Variants in ACTA2 observed in about 807,000 individuals in gnomAD.
The protein encoded by ACTA2 is actin alpha 2, smooth muscle, also known as actin, aortic smooth muscle.
ACTA2 carries 12 observed loss-of-function variants against 39.5 expected under a neutral mutation model. The observed-to-expected ratio is 0.30, with a 90% CI of 0.19 to 0.49. The LOEUF (loss-of-function observed/expected upper bound fraction) is 0.49, where lower values mean the gene tolerates loss of function less well. Ranked by LOEUF, ACTA2 falls within the 20% of genes least tolerant of loss-of-function variation. The pLI is 0.99. For missense variants in ACTA2, 236 were observed against 498.8 expected, an observed-to-expected ratio of 0.47 and a Z score of 5.02; for synonymous variants, 158 against 180.6, an observed-to-expected ratio of 0.88 and a Z score of 1.00.
chr10:88,970,707 C>T (rs577865641), intron 1 of ACTA2, among the ~76,000 whole-genome samples: 4 of 151,936 alleles, frequency 2.6e-5, no homozygotes, highest in African/African-American at 4.8e-5. Flanking sequence ...CATCACACAC[C>T]GGGGCCTGTT....
At position 88,980,090 on chromosome 10, in the gene ACTA2, A is replaced by G. The variant is rs894439785; in HGVS notation, c.-24+10849T>C. ...ACTTGAAATTTTATTTCATTTATTAATTTTTAAGTTTTGTTCACCACTTCT... is the reference window on the plus strand; with the variant it reads ...ACTTGAAATTTTATTTCATTTATTAGTTTTTAAGTTTTGTTCACCACTTCT... On this transcript the variant is annotated intron_variant, in intron 1 of 4. Coordinates refer to the ACTA2 transcript ENST00000415557. 2.2e-4 allele frequency among the ~76,000 whole-genome samples: 34 copies of G among 152,208 alleles called. 1 individual carries two copies. The highest frequency in any genetic ancestry group is 6.0e-4 in the African/African-American group (25 of 41,460).
At chr10:88,967,786 C>G (rs1222722670) in intron 1 of ACTA2, among the ~76,000 whole-genome samples, 6 of 152,190 alleles carry the variant, frequency 3.9e-5, no homozygotes, top group African/African-American at 1.4e-4. Context: ...TAAATGATGG[C>G]TCACACACCA....
Position 88,941,516 on chromosome 10 carries a change from G to A in ACTA2, c.455-126C>T. 3.2e-6 allele frequency: 4 copies of A among 1,239,444 alleles called. No homozygotes were observed. The Admixed American group carries it at 7.6e-5, about 23-fold the overall frequency. The allele number at this position is 1,239,444 out of a possible 1,614,324, so 76.8% of individuals were successfully genotyped here. A position where few individuals can be genotyped will look rare whatever the true frequency, so the allele number is the denominator to read the frequency against. Reference sequence around the variant, plus strand: ...CTCTTATTTAAAAAGAGAAAACAGGGCATGTGATAGGAGAGGTGAGGTGGG... The same window carrying A: ...CTCTTATTTAAAAAGAGAAAACAGGACATGTGATAGGAGAGGTGAGGTGGG... On this transcript the variant is annotated intron_variant, in intron 5 of 8. Transcript: ENST00000224784.
intron 1 of ACTA2, among the ~76,000 whole-genome samples, chr10:88,986,410 T>C (rs948524627): frequency 3.3e-5 from 5 of 152,260 alleles, no homozygotes; most frequent in Non-Finnish European, 7.3e-5. Flanking sequence ...ACTAACCCAA[T>C]TGCTGTCTGC....
At chr10:88,959,197 C>G (rs1410963780) in intron 1 of ACTA2, among the ~76,000 whole-genome samples, 1 of 152,058 alleles carries the variant, frequency 6.6e-6, no homozygotes, top group Non-Finnish European at 1.5e-5. Flanking sequence ...ATTTGAATAG[C>G]CACATGTGGC....
At chr10:88,960,373 G>C (rs757141973) in intron 1 of ACTA2, among the ~76,000 whole-genome samples, 6 of 152,156 alleles carry the variant, frequency 3.9e-5, no homozygotes, top group Non-Finnish European at 5.9e-5. Context: ...CTTCTGTGAA[G>C]ACTAGCTGAT....
intron 3 of ACTA2, among the ~76,000 whole-genome samples, chr10:88,946,069 A>C (rs1203795358): frequency 2.0e-5 from 3 of 152,270 alleles, no homozygotes. Flanking sequence ...TCCTTTAATT[A>C]GTTAATAAAA....
intron 6 of ACTA2, 186 bp from the exon 7 acceptor site, chr10:88,939,884 C>T (rs1845816536): frequency 1.5e-6 from 1 of 647,502 alleles, no homozygotes; most frequent in Non-Finnish European, 2.8e-6. Context: ...CACCTCTGTT[C>T]CTAGGACAGT....
intron 8 of ACTA2, among the ~76,000 whole-genome samples, chr10:88,937,207 GTCT>G (rs1373326287): frequency 0.021 from 3,225 of 152,210 alleles, 55 homozygotes; most frequent in South Asian, 0.083. Context: ...GCATGTTTCA[GTCT>G]AGCACACTCT....
At position 88,962,897 on chromosome 10, in the gene ACTA2, T is replaced by C. The variant is rs554611560; in HGVS notation, c.-23-13944A>G. Among the ~76,000 whole-genome samples, 3 of 72,124 alleles carry C rather than the reference T, an allele frequency of 4.2e-5. No individual in the cohort carries two copies. In the East Asian group the frequency reaches 1.1e-3, roughly 27 times the overall value. 47.3% of individuals were successfully genotyped at this position (72,124 alleles called of 152,430 possible). A position where few individuals can be genotyped will look rare whatever the true frequency, so the allele number is the denominator to read the frequency against. ...AAATGGCAGCAGGCAAGAGAGTGAG[T>C]GCAGGGGAATGCCCCATATATATAT... On this transcript the variant is annotated intron_variant, in intron 1 of 4. Transcript: ENST00000415557.
chr10:88,948,988 AATTGGGC>A, intron 1 of ACTA2, 35 bp from the exon 2 acceptor site: 1 of 1,610,356 alleles, frequency 6.2e-7, no homozygotes, highest in Non-Finnish European at 8.5e-7. Context: ...CCTCAGCTGT[AATTGGGC>A]ATTTGTGGCA....
chr10:88,961,239 T>G (rs1350969731), intron 1 of ACTA2, among the ~76,000 whole-genome samples: 1 of 152,204 alleles, frequency 6.6e-6, no homozygotes, highest in Admixed American at 6.5e-5. Context: ...TTAAAGTTTC[T>G]AACAACCTAG....
chr10:88,976,371 C>G (rs754636603), intron 1 of ACTA2, among the ~76,000 whole-genome samples: 1 of 151,970 alleles, frequency 6.6e-6, no homozygotes, highest in South Asian at 2.1e-4. Flanking sequence ...ATCACAAATG[C>G]CAGAGTAAAC....
chr10:88,981,074 G>A (rs956002401), intron 1 of ACTA2, among the ~76,000 whole-genome samples: 5 of 152,302 alleles, frequency 3.3e-5, no homozygotes, highest in Admixed American at 6.5e-5. Flanking sequence ...GGCCAACTGC[G>A]AGGAAGTCAG....
At chr10:88,942,028 A>T (rs1021515294) in intron 4 of ACTA2, among the ~76,000 whole-genome samples, 159 bp from the exon 5 acceptor site, 1 of 152,166 alleles carries the variant, frequency 6.6e-6, no homozygotes, top group Non-Finnish European at 1.5e-5. Flanking sequence ...CACGTTAAAG[A>T]GGAGAAATGA....
chr10:88,955,554 G>C (rs1177954220), upstream of ACTA2, among the ~76,000 whole-genome samples: 1 of 152,176 alleles, frequency 6.6e-6, no homozygotes, highest in Non-Finnish European at 1.5e-5. Flanking sequence ...ACATCTGCAG[G>C]GATTTGCCAG....
intron 2 of ACTA2, among the ~76,000 whole-genome samples, chr10:88,947,897 T>C (rs1845981018): frequency 6.6e-6 from 1 of 152,202 alleles, no homozygotes; most frequent in African/African-American, 2.4e-5. Context: ...AATAACCACT[T>C]GAGGCTTGAT....
intron 4 of ACTA2, among the ~76,000 whole-genome samples, chr10:88,942,305 A>G (rs746276723): frequency 6.4e-4 from 98 of 152,348 alleles, no homozygotes; most frequent in Non-Finnish European, 1.2e-3. Flanking sequence ...AGCCAGAAGA[A>G]AAAGAGAAGA....
At position 88,941,292 on chromosome 10, in the gene ACTA2, G is replaced by C. The variant is rs772473154; in HGVS notation, c.553C>G (p.Arg185Gly). Residue 185 changes from arginine (R) to glycine (G), a missense_variant, in exon 6 of 9, where the codon CGA becomes GGA. By Grantham distance (125) the Arg-to-Gly change is moderately radical. Transcript: ENST00000224784. The stretch of plus-strand genomic sequence containing the variant: ...TTCATGAGGTAGTCAGTGAGATCTC[G>C]GCCAGCCAGATCCAGACGCATGATG... ...HAIMRLDLAG[R>G]DLTDYLMKIL... The C allele has an allele frequency of 6.2e-7, 1 of 1,612,558 alleles. No individual in the cohort carries two copies. Among genetic ancestry groups the C allele is most frequent in the Non-Finnish European group, 8.5e-7 (1 of 1,179,528 alleles).
Sources: allele counts gnomAD v4.1 joint callset (sites outside exome capture counted in the v4.1 genomes callset), GRCh38; gene constraint gnomAD v4.1.1; transcripts MANE v1.5; gene names NCBI Gene and HGNC (gene_info 2026-07-23, HGNC 2026-07-21).